The following FRMD4A variants were observed in gnomAD, a reference collection of about 807,000 sequenced individuals.
FRMD4A encodes FERM domain-containing protein 4A.
A neutral mutation model predicts 129.1 loss-of-function variants in FRMD4A; 29 were observed. That is an observed-to-expected ratio of 0.22 (90% CI 0.17 to 0.31). The LOEUF (loss-of-function observed/expected upper bound fraction) is 0.31, where lower values mean the gene tolerates loss of function less well. Among genes scored for constraint, FRMD4A ranks in the 10% least tolerant of loss-of-function variants. The pLI is 1.00. For synonymous variants in FRMD4A, 634 were observed against 571.6 expected (o/e 1.11, Z -1.56); for missense variants, 1,272 against 1,375.8 (o/e 0.92, Z 1.19).
chr10:14,233,846 C>A (rs1292534953), intron 2 of FRMD4A, among the ~76,000 whole-genome samples: 1 of 152,220 alleles, frequency 6.6e-6, no homozygotes, highest in African/African-American at 2.4e-5. Context: ...GAATCAGAAT[C>A]TGCTTCAGAT....
At chr10:14,028,082 C>T (rs1017478521) in intron 2 of FRMD4A, among the ~76,000 whole-genome samples, 6 of 152,232 alleles carry the variant, frequency 3.9e-5, no homozygotes, top group Middle Eastern at 3.4e-3. Flanking sequence ...TGGCTTGGGC[C>T]GATCGATTGT....
At chr10:14,229,228 A>C (rs372824517) in intron 2 of FRMD4A, among the ~76,000 whole-genome samples, 1 of 152,154 alleles carries the variant, frequency 6.6e-6, no homozygotes, top group East Asian at 1.9e-4. Context: ...TTAAAAACCT[A>C]CTTAAGAAAA....
At chr10:13,818,649 A>G (rs61132072) in intron 3 of FRMD4A, among the ~76,000 whole-genome samples, 2,032 of 152,218 alleles carry the variant, frequency 0.013, 39 homozygotes, top group African/African-American at 0.046. Context: ...GTAAGTTACT[A>G]AACCTCTCTG....
In FRMD4A at chr10:13,728,573, C is replaced by CTTTTTTTTTTTTTTTTTTTTTTTTTT. The variant is rs10706168; in HGVS notation, c.759+9270_759+9271insAAAAAAAAAAAAAAAAAAAAAAAAAA. On this transcript the variant is annotated intron_variant, in intron 12 of 24. Transcript: ENST00000357447. ...TCAGTGCTTTCAGGTGATTACCATTCTTTTTTTTTTTTTTTTTGAGATGGA... is the reference window on the plus strand; with the variant it reads ...TCAGTGCTTTCAGGTGATTACCATTCTTTTTTTTTTTTTTTTTTTTTTTTTTTTTTTTTTTTTTTTTTTGAGATGGA... 9.7e-4 allele frequency among the ~76,000 whole-genome samples: 76 copies of CTTTTTTTTTTTTTTTTTTTTTTTTTT among 78,352 alleles called. 20 individuals are homozygous for CTTTTTTTTTTTTTTTTTTTTTTTTTT. The highest frequency in any genetic ancestry group is 1.3e-3 in the Non-Finnish European group (53 of 42,032). 51.4% of individuals were successfully genotyped at this position (78,352 alleles called of 152,430 possible).
chr10:13,729,895 C>A (rs2090206192), intron 12 of FRMD4A, among the ~76,000 whole-genome samples: 1 of 152,216 alleles, frequency 6.6e-6, no homozygotes, highest in Non-Finnish European at 1.5e-5. Flanking sequence ...TGATGATTTA[C>A]AGATATTGAA....
At chr10:14,117,201 G>A (rs1838242013) in intron 2 of FRMD4A, among the ~76,000 whole-genome samples, 1 of 152,228 alleles carries the variant, frequency 6.6e-6, no homozygotes, top group Admixed American at 6.5e-5. Flanking sequence ...AGACTAACAT[G>A]GACTCTATTC....
intron 2 of FRMD4A, among the ~76,000 whole-genome samples, chr10:14,320,429 G>T (rs2132119184): frequency 6.6e-6 from 1 of 152,060 alleles, no homozygotes; most frequent in South Asian, 2.1e-4. Flanking sequence ...TGAATTTCCT[G>T]ATGATTTTGT....
chr10:13,714,922 C>G (rs1018954686), intron 12 of FRMD4A, among the ~76,000 whole-genome samples: 4 of 152,072 alleles, frequency 2.6e-5, no homozygotes, highest in Admixed American at 6.6e-5. Flanking sequence ...GCCTGTAGTC[C>G]CAGCTATTCG....
intron 12 of FRMD4A, among the ~76,000 whole-genome samples, chr10:13,728,907 A>C (rs911088084): frequency 3.3e-5 from 5 of 152,118 alleles, no homozygotes; most frequent in Non-Finnish European, 5.9e-5. Flanking sequence ...TTATTCTTCC[A>C]AATGGAGATG....
At chr10:14,079,670 C>T (rs938779302) in intron 2 of FRMD4A, among the ~76,000 whole-genome samples, 1 of 152,088 alleles carries the variant, frequency 6.6e-6, no homozygotes. Context: ...CGTCAAACAC[C>T]CACGACACTT....
At chr10:14,126,699 T>C (rs1183959300) in intron 2 of FRMD4A, among the ~76,000 whole-genome samples, 2 of 152,306 alleles carry the variant, frequency 1.3e-5, no homozygotes, top group East Asian at 1.9e-4. Context: ...TCTAGTGAAA[T>C]GCCTCAAGGT....
intron 2 of FRMD4A, among the ~76,000 whole-genome samples, chr10:14,193,536 G>A (rs558029103): frequency 6.8e-6 from 1 of 147,516 alleles, no homozygotes; most frequent in African/African-American, 2.5e-5. Context: ...AAAACAGAGG[G>A]ATGAATTCAG....
intron 2 of FRMD4A, among the ~76,000 whole-genome samples, chr10:14,269,829 T>C (rs1420517505): frequency 1.3e-5 from 2 of 152,218 alleles, no homozygotes; most frequent in East Asian, 1.9e-4. Flanking sequence ...CTGCATTAAT[T>C]ATTCTCAATG....
At chr10:14,213,659 A>C (rs114989839) in intron 2 of FRMD4A, among the ~76,000 whole-genome samples, 128 of 152,332 alleles carry the variant, frequency 8.4e-4, no homozygotes, top group African/African-American at 2.8e-3. Flanking sequence ...CCAGCCCATC[A>C]TGTTCTCTGT....
intron 2 of FRMD4A, among the ~76,000 whole-genome samples, chr10:14,252,933 T>C (rs1411173): frequency 0.36 from 55,038 of 152,118 alleles, 10,148 homozygotes; most frequent in Middle Eastern, 0.48. Flanking sequence ...TCTCCATTCA[T>C]TCATTCATTT....
chr10:13,890,907 G>C, intron 2 of FRMD4A: 1 of 963,824 alleles, frequency 1.0e-6, no homozygotes, highest in African/African-American at 1.8e-5. Context: ...CTGAATGTAC[G>C]AACAGTTACT....
rs1270407934 is a variant in FRMD4A, at chr10:13,849,655, T to C, written c.111+9192A>G. On this transcript the variant is annotated intron_variant, in intron 3 of 24. Transcript: ENST00000357447. ...CCACCATGCCCGGCTAATTTTGTAT[T>C]TTTAGTAGAGACGGGCTTTCACCAT... Among the ~76,000 whole-genome samples, 9 of 151,566 alleles carry C rather than the reference T, an allele frequency of 5.9e-5. No individual in the cohort carries two copies. The East Asian group carries it at 1.8e-3, about 30-fold the overall frequency.
chr10:13,655,995 T>C (rs3814662), intron 22 of FRMD4A: 85,646 of 151,986 alleles, frequency 0.56, 25,818 homozygotes, highest in African/African-American at 0.78. Flanking sequence ...CTCTTGAGTA[T>C]GAGAATATAA....
intron 3 of FRMD4A, among the ~76,000 whole-genome samples, chr10:13,850,935 C>T (rs1026160812): frequency 3.3e-5 from 5 of 152,206 alleles, no homozygotes; most frequent in African/African-American, 1.2e-4. Context: ...GAATTGTAGG[C>T]CAGGTGTAGT....
Sources: allele counts gnomAD v4.1 joint callset (sites outside exome capture counted in the v4.1 genomes callset), GRCh38; gene constraint gnomAD v4.1.1; transcripts MANE v1.5; gene names NCBI Gene and HGNC (gene_info 2026-07-23, HGNC 2026-07-21).